LMNA: variants seen among roughly 807,000 people sequenced by gnomAD.
The protein encoded by LMNA is lamin.
Under a neutral mutation model 70.4 loss-of-function variants are expected in LMNA, and 20 were observed. The ratio of observed to expected loss-of-function variants is 0.28; its 90% confidence interval spans 0.20 to 0.41. The LOEUF (loss-of-function observed/expected upper bound fraction) is 0.41, where lower values mean the gene tolerates loss of function less well. Ranked by LOEUF, LMNA falls within the 10% of genes least tolerant of loss-of-function variation. The probability of loss-of-function intolerance (pLI) is 1.00; values close to 1 mark genes in which losing one functional copy is unlikely to be tolerated. For missense variants in LMNA, 652 were observed against 917.2 expected, an observed-to-expected ratio of 0.71 and a Z score of 3.73; for synonymous variants, 339 against 372.8, an observed-to-expected ratio of 0.91 and a Z score of 1.04.
intron 3 of LMNA, among the ~76,000 whole-genome samples, chr1:156,105,429 C>T (rs1452317380): frequency 6.6e-6 from 1 of 152,182 alleles, no homozygotes; most frequent in African/African-American, 2.4e-5. Flanking sequence ...CCCCCCTCCC[C>T]ACTCCTCCTG....
At chr1:156,114,626 T>G, upstream of LMNA, 2 of 188,704 alleles carry the variant, frequency 1.1e-5, no homozygotes, top group Non-Finnish European at 2.0e-5. Context: ...CCCCAATGGA[T>G]CTGGGACTGC....
chr1:156,118,599 C>A (rs945635728), intron 1 of LMNA, among the ~76,000 whole-genome samples: 1 of 152,158 alleles, frequency 6.6e-6, no homozygotes, highest in Non-Finnish European at 1.5e-5. Context: ...GGTGTCTGTC[C>A]TCTTCTATGC....
At chr1:156,119,920 T>C (rs767179845) in intron 1 of LMNA, among the ~76,000 whole-genome samples, 18 of 152,224 alleles carry the variant, frequency 1.2e-4, no homozygotes, top group Non-Finnish European at 2.5e-4. Context: ...TAGCTCTCTC[T>C]GGACAGGTAA....
At chr1:156,121,824 A>G (rs1430072576) in intron 1 of LMNA, among the ~76,000 whole-genome samples, 1 of 152,044 alleles carries the variant, frequency 6.6e-6, no homozygotes, top group Admixed American at 6.6e-5. Flanking sequence ...ATTATAGGAG[A>G]TCTCTGGAAG....
chr1:156,095,015 T>C (rs1211018920), intron 3 of LMNA, among the ~76,000 whole-genome samples: 1 of 150,666 alleles, frequency 6.6e-6, no homozygotes, highest in Non-Finnish European at 1.5e-5. Context: ...TCCGCCTTGC[T>C]GGTTCAAGTG....
rs1553266337 is a variant in LMNA at position 156,137,744 on chromosome 1, G to A, written c.1698+1G>A. 1.9e-6 allele frequency: 3 copies of A among 1,548,430 alleles called. No individual in the cohort carries two copies. Among genetic ancestry groups the A allele is most frequent in the African/African-American group, 1.4e-5 (1 of 73,036 alleles). On this transcript the variant is annotated splice_donor_variant, in intron 10 of 11. Transcript: ENST00000368300. LOFTEE classifies it high-confidence loss of function. The surrounding 1 kb of genome is among the most constrained non-coding windows in gnomAD (Gnocchi z 4.6). ...AGATGACCTGCTCCATCACCACCAC[G>A]TGAGTGGTAGCCGCCGCTGAGGCCG...
chr1:156,127,509 G>GT (rs1170940332), intron 1 of LMNA, among the ~76,000 whole-genome samples: 1,032 of 84,488 alleles, frequency 0.012, 166 homozygotes, highest in African/African-American at 0.017. Flanking sequence ...CCCCCTTACT[G>GT]TTTTTTTTTT....
At chr1:156,128,497 T>G (rs1650779082) in intron 1 of LMNA, among the ~76,000 whole-genome samples, 1 of 152,196 alleles carries the variant, frequency 6.6e-6, no homozygotes, top group Non-Finnish European at 1.5e-5. Flanking sequence ...ATCATCCCAT[T>G]GCCTTCCAGC....
chr1:156,126,151 A>G, intron 1 of LMNA: 2 of 1,513,098 alleles, frequency 1.3e-6, no homozygotes, highest in South Asian at 2.4e-5. Context: ...GGAAATGCCC[A>G]GGGGCTGGGA....
rs1192249502 is a variant in LMNA at position 156,135,543 on chromosome 1, A to T, written c.936+231A>T. 4 of 630,510 alleles carry T rather than the reference A, an allele frequency of 6.3e-6. No homozygotes were observed. Among genetic ancestry groups the T allele is most frequent in the East Asian group, 2.8e-5 (1 of 35,566 alleles). The allele number at this position is 630,510 out of a possible 1,614,324, so 39.1% of individuals were successfully genotyped here. ...CACTTCTCAGGGCTTTGGTTTTCCC[A>T]TTCGAAAATGGAGGCTGTTCTTAAT... On this transcript the variant is annotated intron_variant, in intron 5 of 11. Coordinates refer to ENST00000368300, the MANE Select transcript of LMNA (RefSeq NM_170707.4). This position sits in a 1 kb window ranked among gnomAD's most constrained non-coding sequence, Gnocchi z 4.8.
chr1:156,131,144 G>T (rs188318207), intron 2 of LMNA, among the ~76,000 whole-genome samples: 2 of 152,034 alleles, frequency 1.3e-5, no homozygotes, highest in Non-Finnish European at 2.9e-5. Flanking sequence ...GGTGGCGGGC[G>T]CCTGTAGTCC....
At chr1:156,126,789 A>C in intron 1 of LMNA, 1 of 1,605,006 alleles carries the variant, frequency 6.2e-7, no homozygotes, top group Non-Finnish European at 8.5e-7. Flanking sequence ...TTCTCGCCTC[A>C]AGAGGCCACT....
At position 156,126,677 on chromosome 1, in the gene LMNA, T is replaced by C. The variant is rs768991636; in HGVS notation, c.357-3940T>C. 5.3e-5 allele frequency: 78 copies of C among 1,467,022 alleles called. No homozygotes were observed. In the East Asian group the frequency reaches 1.9e-3, roughly 35 times the overall value. The allele number at this position is 1,467,022 out of a possible 1,614,324, so 90.9% of individuals were successfully genotyped here. A position where few individuals can be genotyped will look rare whatever the true frequency, so the allele number is the denominator to read the frequency against. ...GCAAGTGCCAACTCTCATTTCTACC[T>C]TATTCTTTTCCTCTCTGTTCCCCTC... On this transcript the variant is annotated intron_variant, in intron 1 of 11. Coordinates refer to ENST00000368300, the MANE Select transcript of LMNA (RefSeq NM_170707.4).
At chr1:156,088,106 G>A (rs867973938) in intron 2 of LMNA, among the ~76,000 whole-genome samples, 18 of 151,822 alleles carry the variant, frequency 1.2e-4, no homozygotes, top group African/African-American at 3.9e-4. Flanking sequence ...TCTTGACCTC[G>A]TGATCCGCCC....
rs1572359505 is a variant in LMNA at position 156,134,803 on chromosome 1, A to G, written c.640-2A>G. On this transcript the variant is annotated splice_acceptor_variant, in intron 3 of 11. Transcript: ENST00000368300. LOFTEE classifies it high-confidence loss of function. The surrounding 1 kb of genome is among the most constrained non-coding windows in gnomAD (Gnocchi z 5.3). ...TCTGTGTCCTTCCTCCAACCCTTCCAGGAGCTGCGTGAGACCAAGCGCCGT... is the reference window on the plus strand; with the variant it reads ...TCTGTGTCCTTCCTCCAACCCTTCCGGGAGCTGCGTGAGACCAAGCGCCGT... 1 of 1,614,172 alleles carries G rather than the reference A, an allele frequency of 6.2e-7. No homozygotes were observed.
intron 3 of LMNA, among the ~76,000 whole-genome samples, chr1:156,108,533 G>A (rs530153553): frequency 2.6e-5 from 4 of 152,108 alleles, no homozygotes; most frequent in South Asian, 2.1e-4. Flanking sequence ...CAGCACTTTC[G>A]GAGGCTGAGG....
intron 3 of LMNA, among the ~76,000 whole-genome samples, chr1:156,096,596 A>G (rs1648947137): frequency 1.3e-5 from 2 of 152,370 alleles, no homozygotes; most frequent in South Asian, 4.1e-4. Flanking sequence ...CTCATCACAC[A>G]TTAATTACTT....
In LMNA at chr1:156,137,367, C is replaced by T. The variant is rs117439040; in HGVS notation, c.1608+135C>T. Reference sequence around the variant, plus strand: ...GCTCTCTGTTGCAGGCTCCAGACTTCTCCACCCAGTAGGCAAACCAAAAGA... The same window carrying T: ...GCTCTCTGTTGCAGGCTCCAGACTTTTCCACCCAGTAGGCAAACCAAAAGA... On this transcript the variant is annotated intron_variant, in intron 9 of 11. Coordinates refer to ENST00000368300, the MANE Select transcript of LMNA (RefSeq NM_170707.4). This position sits in a 1 kb window ranked among gnomAD's most constrained non-coding sequence, Gnocchi z 4.6. 153 of 1,198,742 alleles carry T rather than the reference C, an allele frequency of 1.3e-4. 2 individuals carry two copies. In the East Asian group the frequency reaches 3.8e-3, roughly 30 times the overall value. The allele number at this position is 1,198,742 out of a possible 1,614,324, so 74.3% of individuals were successfully genotyped here.
At chr1:156,118,942 ACTCT>A (rs1384899322) in intron 1 of LMNA, among the ~76,000 whole-genome samples, 2 of 151,040 alleles carry the variant, frequency 1.3e-5, no homozygotes, top group African/African-American at 2.4e-5. Context: ...TTTCGCCAAT[ACTCT>A]CTCTCTCTTC....
Sources: allele counts gnomAD v4.1 joint callset (sites outside exome capture counted in the v4.1 genomes callset), GRCh38; gene constraint gnomAD v4.1.1; non-coding constraint Gnocchi (gnomAD v3.1); transcripts MANE v1.5; gene names NCBI Gene and HGNC (gene_info 2026-07-23, HGNC 2026-07-21).